The following RANBP17 variants were observed in gnomAD, a reference collection of about 807,000 sequenced individuals.
RANBP17 encodes RAN binding protein 17.
RANBP17 carries 158 observed loss-of-function variants against 141.2 expected under a neutral mutation model. The observed-to-expected ratio is 1.12, with a 90% CI of 0.98 to 1.28. The LOEUF is 1.28. Ranked by LOEUF, RANBP17 falls within the 50% of genes most tolerant of loss-of-function variation. The pLI is 0.00. For synonymous variants in RANBP17, 430 were observed against 450.0 expected, an observed-to-expected ratio of 0.96 and a Z score of 0.56; for missense variants, 1,438 against 1,290.7, an observed-to-expected ratio of 1.11 and a Z score of -1.75.
intron 14 of RANBP17, among the ~76,000 whole-genome samples, chr5:171,091,534 A>G (rs997386891): frequency 2.0e-5 from 3 of 152,166 alleles, no homozygotes; most frequent in Non-Finnish European, 4.4e-5. Flanking sequence ...TTGGGAAGGC[A>G]TGATTGGTTT....
chr5:171,021,559 C>A (rs10080139), intron 14 of RANBP17, among the ~76,000 whole-genome samples: 2 of 151,974 alleles, frequency 1.3e-5, no homozygotes, highest in South Asian at 4.2e-4. Context: ...CCACCTGATC[C>A]ATTCAGCTAT....
At chr5:171,105,447 C>T (rs1439631218) in intron 14 of RANBP17, among the ~76,000 whole-genome samples, 1 of 150,904 alleles carries the variant, frequency 6.6e-6, no homozygotes, top group Non-Finnish European at 1.5e-5. Context: ...CTGTAATCCC[C>T]AACACTTTGG....
chr5:170,956,179 A>G (rs1207377413), intron 13 of RANBP17, among the ~76,000 whole-genome samples: 1 of 151,936 alleles, frequency 6.6e-6, no homozygotes, highest in Middle Eastern at 3.2e-3. Flanking sequence ...CTTACACAAA[A>G]TTATTTCATC....
Position 171,108,341 on chromosome 5 carries a change from C to T in RANBP17, c.1711-61789C>T, listed in dbSNP as rs182171410. ...TATGTCAAATTTTACTAGAAAAAAACTCACACATAGCATATCAACATACTT... is the reference window on the plus strand; with the variant it reads ...TATGTCAAATTTTACTAGAAAAAAATTCACACATAGCATATCAACATACTT... On this transcript the variant is annotated intron_variant, in intron 14 of 27. Transcript: ENST00000523189. 4.2e-3 allele frequency among the ~76,000 whole-genome samples: 639 copies of T among 152,194 alleles called. 5 individuals are homozygous for T. The highest frequency in any genetic ancestry group is 0.015 in the African/African-American group (615 of 41,524).
intron 12 of RANBP17, among the ~76,000 whole-genome samples, chr5:170,926,497 A>G (rs183532996): frequency 4.6e-5 from 7 of 152,030 alleles, no homozygotes; most frequent in Admixed American, 4.6e-4. Context: ...TCACCACTGG[A>G]TTGCTTTCTT....
intron 14 of RANBP17, among the ~76,000 whole-genome samples, chr5:171,125,481 T>C (rs1431941517): frequency 6.7e-6 from 1 of 150,188 alleles, no homozygotes; most frequent in East Asian, 1.9e-4. Flanking sequence ...TAGTTGTAAA[T>C]ATATATGCAC....
At chr5:171,213,022 A>G (rs1763001139) in intron 20 of RANBP17, among the ~76,000 whole-genome samples, 2 of 152,192 alleles carry the variant, frequency 1.3e-5, no homozygotes, top group South Asian at 4.1e-4. Context: ...GTAGATTAAT[A>G]GTTACTCAAA....
intron 12 of RANBP17, among the ~76,000 whole-genome samples, chr5:170,945,635 G>A (rs1422742494): frequency 6.6e-6 from 1 of 151,966 alleles, no homozygotes; most frequent in African/African-American, 2.4e-5. Flanking sequence ...TTCCAGTAGA[G>A]AAATATAAAA....
chr5:170,944,567 T>C (rs3849708), intron 12 of RANBP17, among the ~76,000 whole-genome samples: 102,532 of 152,188 alleles, frequency 0.67, 34,783 homozygotes, highest in South Asian at 0.9. Context: ...TGCAACCAGC[T>C]CCAATAATAA....
At chr5:171,185,437 ACTT>A (rs572725318) in intron 18 of RANBP17, among the ~76,000 whole-genome samples, 112 of 152,298 alleles carry the variant, frequency 7.4e-4, no homozygotes, top group Non-Finnish European at 1.3e-3. Flanking sequence ...CCACAGGAGA[ACTT>A]CTTTAAAAAC....
intron 16 of RANBP17, among the ~76,000 whole-genome samples, chr5:171,180,997 A>C (rs944238039): frequency 6.6e-6 from 1 of 152,210 alleles, no homozygotes; most frequent in Non-Finnish European, 1.5e-5. Context: ...CGCAATTTTA[A>C]GAGAATTCTA....
intron 14 of RANBP17, among the ~76,000 whole-genome samples, chr5:171,126,900 A>T (rs1463700766): frequency 2.6e-5 from 4 of 152,200 alleles, no homozygotes; most frequent in Non-Finnish European, 5.9e-5. Flanking sequence ...ACTTATAAAG[A>T]TGATCTAATA....
At chr5:171,033,370 CT>C (rs1453910507) in intron 14 of RANBP17, among the ~76,000 whole-genome samples, 2 of 152,106 alleles carry the variant, frequency 1.3e-5, no homozygotes, top group African/African-American at 4.8e-5. Context: ...TTGTAAAAGA[CT>C]TTTGATGTTT....
intron 14 of RANBP17, among the ~76,000 whole-genome samples, chr5:171,062,660 G>T (rs947628018): frequency 2.6e-4 from 40 of 152,066 alleles, no homozygotes; most frequent in Non-Finnish European, 1.5e-5. Context: ...TTCTCGAGGG[G>T]TATCTTTGTA....
At chr5:171,034,189 G>A (rs1230534279) in intron 14 of RANBP17, among the ~76,000 whole-genome samples, 1 of 152,144 alleles carries the variant, frequency 6.6e-6, no homozygotes, top group Non-Finnish European at 1.5e-5. Context: ...TCATGATTAT[G>A]AAACACTTTA....
At chr5:170,864,336 A>G (rs138236020) in intron 1 of RANBP17, among the ~76,000 whole-genome samples, 174 of 152,278 alleles carry the variant, frequency 1.1e-3, no homozygotes, top group African/African-American at 4.1e-3. Flanking sequence ...TCTTTTTCAC[A>G]TCATGACATA....
chr5:171,005,713 G>A (rs1779551603), intron 14 of RANBP17, among the ~76,000 whole-genome samples: 1 of 152,146 alleles, frequency 6.6e-6, no homozygotes, highest in Non-Finnish European at 1.5e-5. Flanking sequence ...AACACCAAAA[G>A]CAATGGCAAC....
At chr5:171,229,970 C>G (rs1200604) in intron 22 of RANBP17, among the ~76,000 whole-genome samples, 50,995 of 151,336 alleles carry the variant, frequency 0.34, 10,624 homozygotes, top group East Asian at 0.62. Context: ...GAGGCTGAGG[C>G]AGGAGAATCG....
intron 14 of RANBP17, among the ~76,000 whole-genome samples, chr5:171,141,803 C>T (rs1757722463): frequency 6.6e-6 from 1 of 152,036 alleles, no homozygotes; most frequent in African/African-American, 2.4e-5. Context: ...TTTATGATTG[C>T]ATCCTTATTC....
Sources: gnomAD v4.1 joint callset for allele counts (sites outside exome capture counted in the v4.1 genomes callset) on GRCh38, gnomAD v4.1.1 for gene constraint, MANE v1.5 for transcripts, NCBI Gene and HGNC (gene_info 2026-07-23, HGNC 2026-07-21) for gene names.